Variants in PPP3CA observed in about 807,000 individuals in gnomAD.
The protein encoded by PPP3CA is CAM-PRP catalytic subunit.
A neutral mutation model predicts 66.5 loss-of-function variants in PPP3CA; 14 were observed. The ratio of observed to expected loss-of-function variants is 0.21; its 90% CI spans 0.14 to 0.33. The LOEUF (loss-of-function observed/expected upper bound fraction) is 0.33, where lower values mean the gene tolerates loss of function less well. Among genes scored for constraint, PPP3CA ranks in the 10% least tolerant of loss-of-function variants. The pLI is 1.00. For synonymous variants in PPP3CA, 232 were observed against 226.2 expected, an observed-to-expected ratio of 1.03 and a Z score of -0.23; for missense variants, 317 against 639.5, an observed-to-expected ratio of 0.50 and a Z score of 5.44.
intron 1 of PPP3CA, among the ~76,000 whole-genome samples, chr4:101,271,002 T>C (rs1415661755): frequency 3.9e-5 from 6 of 152,112 alleles, no homozygotes; most frequent in Non-Finnish European, 7.4e-5. Context: ...GGAGTACAGA[T>C]TCAAACTCCT....
At chr4:101,124,729 A>AGAGAGAG (rs1722170301) in intron 2 of PPP3CA, among the ~76,000 whole-genome samples, 1 of 54,302 alleles carries the variant, frequency 1.8e-5, no homozygotes, top group East Asian at 4.9e-4. Context: ...AAGAAAGAGA[A>AGAGAGAG]AGAAAGAAAG....
At chr4:101,205,773 G>C (rs902337031) in intron 1 of PPP3CA, among the ~76,000 whole-genome samples, 14 of 152,078 alleles carry the variant, frequency 9.2e-5, no homozygotes, top group African/African-American at 3.4e-4. Flanking sequence ...GCAAACATAT[G>C]TCCCAAATGA....
intron 1 of PPP3CA, among the ~76,000 whole-genome samples, chr4:101,206,370 A>C (rs919183919): frequency 6.6e-6 from 1 of 152,238 alleles, no homozygotes; most frequent in Non-Finnish European, 1.5e-5. Context: ...TTTAAAAATC[A>C]AACATGCATT....
intron 1 of PPP3CA, among the ~76,000 whole-genome samples, chr4:101,312,754 T>G (rs1318100943): frequency 3.3e-5 from 5 of 152,192 alleles, no homozygotes; most frequent in African/African-American, 1.2e-4. Context: ...ATACAATAAG[T>G]GACAAACAGC....
chr4:101,227,208 A>C (rs879242223), intron 1 of PPP3CA, among the ~76,000 whole-genome samples: 1 of 151,738 alleles, frequency 6.6e-6, no homozygotes, highest in Non-Finnish European at 1.5e-5. Flanking sequence ...AACACAATTA[A>C]ATTTCGATTA....
intron 1 of PPP3CA, among the ~76,000 whole-genome samples, chr4:101,205,779 A>G (rs949461368): frequency 2.0e-5 from 3 of 152,218 alleles, no homozygotes; most frequent in Admixed American, 2.0e-4. Flanking sequence ...ATATGTCCCA[A>G]ATGATACCAA....
chr4:101,224,256 A>G (rs924618223), intron 1 of PPP3CA, among the ~76,000 whole-genome samples: 13 of 151,794 alleles, frequency 8.6e-5, no homozygotes, highest in Non-Finnish European at 1.5e-4. Context: ...TGTCTTTACC[A>G]GCTGGATTTT....
rs563947905 is a variant in PPP3CA at position 101,079,526 on chromosome 4, T to C, written c.955+1006A>G. Reference sequence around the variant, plus strand: ...CCCGAGTAGCTGGGACTACAGGCACTCGCCACCACGGCCAGCTAATTTTTT... The same window carrying C: ...CCCGAGTAGCTGGGACTACAGGCACCCGCCACCACGGCCAGCTAATTTTTT... On this transcript the variant is annotated intron_variant, in intron 8 of 13. Transcript: ENST00000394854. 2.5e-4 allele frequency among the ~76,000 whole-genome samples: 38 copies of C among 151,942 alleles called. No individual in the cohort carries two copies. The South Asian group carries it at 4.6e-3, about 18-fold the overall frequency.
At chr4:101,158,920 T>C (rs1440207398) in intron 2 of PPP3CA, among the ~76,000 whole-genome samples, 1 of 152,206 alleles carries the variant, frequency 6.6e-6, no homozygotes, top group African/African-American at 2.4e-5. Flanking sequence ...ATCTTCACAG[T>C]AGTGACGATA....
At chr4:101,171,197 G>T (rs535940442) in intron 2 of PPP3CA, 2 of 455,972 alleles carry the variant, frequency 4.4e-6, no homozygotes, top group Non-Finnish European at 8.8e-6. Context: ...TTTTACCTTG[G>T]TGTGTGAATC....
intron 6 of PPP3CA, among the ~76,000 whole-genome samples, chr4:101,088,207 G>T (rs1729756405): frequency 6.6e-6 from 1 of 152,096 alleles, no homozygotes; most frequent in African/African-American, 2.4e-5. Flanking sequence ...TATTCACTTT[G>T]TATTTTACTT....
intron 1 of PPP3CA, among the ~76,000 whole-genome samples, chr4:101,328,990 C>T (rs1729289458): frequency 6.6e-6 from 1 of 151,402 alleles, no homozygotes; most frequent in Non-Finnish European, 1.5e-5. Context: ...ATTAATAACC[C>T]TAAAATGGTC....
At chr4:101,130,216 GAACA>G (rs1316555941) in intron 2 of PPP3CA, among the ~76,000 whole-genome samples, 9 of 151,946 alleles carry the variant, frequency 5.9e-5, no homozygotes, top group African/African-American at 2.2e-4. Flanking sequence ...GAATAAAAAG[GAACA>G]AACAAAGCCT....
At chr4:101,041,038 G>A (rs1727491892) in intron 10 of PPP3CA, among the ~76,000 whole-genome samples, 1 of 152,180 alleles carries the variant, frequency 6.6e-6, no homozygotes, top group South Asian at 2.1e-4. Context: ...AAACTAAGAA[G>A]TCTCTTAATT....
intron 2 of PPP3CA, among the ~76,000 whole-genome samples, chr4:101,118,982 A>C (rs1450737130): frequency 7.3e-6 from 1 of 136,704 alleles, no homozygotes. Context: ...TTTTTTTTAA[A>C]CAATGAAGCA....
rs541052062 is a variant in PPP3CA at position 101,033,538 on chromosome 4, A to G, written c.1242-1174T>C. Among the ~76,000 whole-genome samples the G allele has an allele frequency of 1.6e-4, 24 of 152,320 alleles. No individual in the cohort carries two copies. In the South Asian group the frequency reaches 4.8e-3, roughly 30 times the overall value. On this transcript the variant is annotated intron_variant, in intron 11 of 13. Transcript: ENST00000394854. ...TTCATCCTAATTCTATATCCATTAT[A>G]TCAGCAAAAATTGAGGGCTCTACTC...
At chr4:101,287,577 T>A (rs1014022048) in intron 1 of PPP3CA, among the ~76,000 whole-genome samples, 1 of 152,200 alleles carries the variant, frequency 6.6e-6, no homozygotes, top group Non-Finnish European at 1.5e-5. Flanking sequence ...CTGAGCAGCC[T>A]GTCTTCTGCT....
chr4:101,335,823 T>C (rs909890367), intron 1 of PPP3CA, among the ~76,000 whole-genome samples: 2 of 152,116 alleles, frequency 1.3e-5, no homozygotes, highest in African/African-American at 4.8e-5. Flanking sequence ...AAGAAGTCAG[T>C]CAAGATCAAC....
chr4:101,145,960 A>G (rs1041315472), intron 2 of PPP3CA, among the ~76,000 whole-genome samples: 1 of 152,178 alleles, frequency 6.6e-6, no homozygotes, highest in African/African-American at 2.4e-5. Context: ...TGTCCCTTTG[A>G]ACTACGTTTC....
Sources: gnomAD v4.1 joint callset for allele counts (sites outside exome capture counted in the v4.1 genomes callset) on GRCh38, gnomAD v4.1.1 for gene constraint, MANE v1.5 for transcripts, NCBI Gene and HGNC (gene_info 2026-07-23, HGNC 2026-07-21) for gene names.